COPB1: variants seen among roughly 807,000 people sequenced by gnomAD.
COPB1 encodes the protein coat protein complex I subunit beta 1, also known as coatomer subunit beta.
Under a neutral mutation model 108.7 loss-of-function variants are expected in COPB1, and 21 were observed. That is an observed-to-expected ratio of 0.19 (90% CI 0.14 to 0.28). COPB1 has a LOEUF of 0.28. COPB1 is among the 10% of genes least tolerant of loss of function. The pLI is 1.00. For missense variants in COPB1, 919 were observed against 1,141.3 expected (o/e 0.81, Z 2.81); for synonymous variants, 378 against 386.8 (o/e 0.98, Z 0.27).
chr11:14,491,634 A>G (rs1322793919), intron 4 of COPB1, among the ~76,000 whole-genome samples: 1 of 148,722 alleles, frequency 6.7e-6, no homozygotes, highest in Non-Finnish European at 1.5e-5. Flanking sequence ...GTGCCATTGC[A>G]CTCGAGCCTG....
At chr11:14,489,858 G>A (rs1850856924) in intron 5 of COPB1, among the ~76,000 whole-genome samples, 1 of 152,192 alleles carries the variant, frequency 6.6e-6, no homozygotes, top group African/African-American at 2.4e-5. Context: ...AAATGGTTAA[G>A]AGGGTAAATT....
At chr11:14,484,713 G>A (rs555431329) in intron 7 of COPB1, among the ~76,000 whole-genome samples, 5 of 152,002 alleles carry the variant, frequency 3.3e-5, no homozygotes, top group Non-Finnish European at 7.4e-5. Context: ...GTGAGACTCC[G>A]TCTCAAAAAA....
In COPB1 at chr11:14,469,488, T is replaced by C. The variant is rs974462035; in HGVS notation, c.1813A>G (p.Ile605Val). 3.1e-6 allele frequency: 5 copies of C among 1,614,054 alleles called. No homozygotes were observed. Among genetic ancestry groups the C allele is most frequent in the African/African-American group, 2.7e-5 (2 of 74,932 alleles). Residue 605 changes from isoleucine (I) to valine (V), a missense_variant, in exon 15 of 22, where the codon ATT (isoleucine) becomes GTT (valine). This residue lies in a region of COPB1 where 705 missense variants were observed against 817.8 expected (regional missense o/e 0.86). Coordinates refer to ENST00000439561, the MANE Select transcript of COPB1 (RefSeq NM_001144061.2). ...ATTCGATCCACATCATCATCAGTAA[T>C]TGGCTTCTTAGGAAGAGAGGATTTT... ...LGKSSLPKKP[I>V]TDDDVDRISL...
intron 18 of COPB1, among the ~76,000 whole-genome samples, chr11:14,464,453 G>GC (rs1850233561): frequency 6.6e-6 from 1 of 152,080 alleles, no homozygotes. Flanking sequence ...GACAGAAATT[G>GC]CAACAAAATA....
At chr11:14,480,737 T>C in intron 10 of COPB1, 22 bp downstream of exon 10, 1 of 1,585,062 alleles carries the variant, frequency 6.3e-7, no homozygotes, top group Non-Finnish European at 8.5e-7. Flanking sequence ...ATTTCAAAAT[T>C]AAAGTCATCA....
intron 2 of COPB1, 32 bp from the exon 3 acceptor site, chr11:14,494,471 A>G: frequency 7.9e-7 from 1 of 1,260,442 alleles, no homozygotes; most frequent in Non-Finnish European, 1.1e-6. Context: ...AAAAAAGCAC[A>G]ATTATTTCAA....
At chr11:14,483,823 T>C (rs1229951498) in intron 7 of COPB1, among the ~76,000 whole-genome samples, 1 of 152,136 alleles carries the variant, frequency 6.6e-6, no homozygotes, top group East Asian at 1.9e-4. Context: ...AAAGCAATAA[T>C]TGTAAGAAAA....
chr11:14,496,426 TGAA>T (rs1851019913), intron 2 of COPB1, among the ~76,000 whole-genome samples: 1 of 152,018 alleles, frequency 6.6e-6, no homozygotes, highest in South Asian at 2.1e-4. Context: ...AAAAAGAAAT[TGAA>T]GAAGTAATCT....
At chr11:14,467,775 A>ATATGCCAGT (rs1481472995) in intron 16 of COPB1, among the ~76,000 whole-genome samples, 4 of 152,200 alleles carry the variant, frequency 2.6e-5, no homozygotes, top group Non-Finnish European at 5.9e-5. Flanking sequence ...TACTGAGTGA[A>ATATGCCAGT]ATATGCCAGT....
At position 14,458,561 on chromosome 11, in the gene COPB1, C is replaced by T. The variant is rs536084877; in HGVS notation, c.2773G>A (p.Gly925Ser). The T allele has an allele frequency of 2.5e-6, 4 of 1,612,454 alleles. No homozygotes were observed. In the Admixed American group the frequency reaches 5.0e-5, roughly 20 times the overall value. ...CTCTTTGCACGAATTCTTATATGGC[C>T]GGTAACAGCAGCATCTGGTCCCTGG... ...IHQGPDAAVT[G>S]HIRIRAKSQG... Residue 925 changes from glycine (G) to serine (S), a missense_variant, in exon 21 of 22, where the codon GGC (glycine) becomes AGC (serine). Physicochemically the swap from Gly to Ser is moderately conservative, Grantham distance 56 (BLOSUM62 0). Coordinates refer to ENST00000439561, the MANE Select transcript of COPB1 (RefSeq NM_001144061.2).
intron 1 of COPB1, among the ~76,000 whole-genome samples, 185 bp from the exon 2 acceptor site, chr11:14,499,170 T>G (rs1158346052): frequency 6.6e-6 from 1 of 152,140 alleles, no homozygotes; most frequent in East Asian, 1.9e-4. Context: ...TATCACTCCC[T>G]CATCGCATCC....
chr11:14,498,571 T>C lies in COPB1; in HGVS notation c.91+267A>G, dbSNP rs138771455. Among the ~76,000 whole-genome samples, 542 of 152,314 alleles carry C rather than the reference T, an allele frequency of 3.6e-3. 6 individuals are homozygous for C. Among genetic ancestry groups the C allele is most frequent in the Middle Eastern group, 6.8e-3 (2 of 294 alleles). ...GAAAATAATCAGCCACATTAATATA[T>C]TGAAGTCTACAAAAATTATGACATT... On this transcript the variant is annotated intron_variant, in intron 2 of 21. Coordinates refer to ENST00000439561, the MANE Select transcript of COPB1 (RefSeq NM_001144061.2).
In COPB1 at chr11:14,462,405, T is replaced by C. The variant is rs1005354926; in HGVS notation, c.2411-1074A>G. ...CTGCCACCGCGCCTGGCTAATTTTTTGTATTTTTAGTAGAGATGTGGTTTC... is the reference window on the plus strand; with the variant it reads ...CTGCCACCGCGCCTGGCTAATTTTTCGTATTTTTAGTAGAGATGTGGTTTC... On this transcript the variant is annotated intron_variant, in intron 18 of 21. Coordinates refer to ENST00000439561, the MANE Select transcript of COPB1 (RefSeq NM_001144061.2). Among the ~76,000 whole-genome samples, 3 of 152,114 alleles carry C rather than the reference T, an allele frequency of 2.0e-5. No homozygotes were observed. In the East Asian group the frequency reaches 5.8e-4, roughly 29 times the overall value.
At chr11:14,466,922 G>A (rs1850294542) in intron 16 of COPB1, among the ~76,000 whole-genome samples, 1 of 152,060 alleles carries the variant, frequency 6.6e-6, no homozygotes, top group South Asian at 2.1e-4. Context: ...AGAAATGATT[G>A]TAATGCCACA....
At chr11:14,471,034 A>C (rs1335802683) in intron 14 of COPB1, among the ~76,000 whole-genome samples, 1 of 152,012 alleles carries the variant, frequency 6.6e-6, no homozygotes, top group African/African-American at 2.4e-5. Context: ...CTTTTACACT[A>C]CTGGGAAAAA....
chr11:14,471,883 T>C (rs1335898464), intron 14 of COPB1, among the ~76,000 whole-genome samples: 1 of 152,134 alleles, frequency 6.6e-6, no homozygotes, highest in African/African-American at 2.4e-5. Flanking sequence ...GATCATGCCA[T>C]GGCACTCCGG....
At chr11:14,482,372 T>C (rs1168777188) in intron 8 of COPB1, among the ~76,000 whole-genome samples, 4 of 152,224 alleles carry the variant, frequency 2.6e-5, no homozygotes, top group Non-Finnish European at 2.9e-5. Context: ...AATATGGTGA[T>C]AATTTTCTAG....
intron 14 of COPB1, among the ~76,000 whole-genome samples, chr11:14,471,567 T>C (rs1453445706): frequency 2.0e-5 from 3 of 152,190 alleles, no homozygotes; most frequent in Non-Finnish European, 4.4e-5. Context: ...ATAATATACC[T>C]TGTAAATTAT....
intron 16 of COPB1, among the ~76,000 whole-genome samples, chr11:14,467,109 A>G (rs1289188438): frequency 6.6e-6 from 1 of 152,210 alleles, no homozygotes; most frequent in Admixed American, 6.5e-5. Context: ...GGCAACTCAC[A>G]GAATGGAAGA....
Sources: gnomAD v4.1 joint callset for allele counts (sites outside exome capture counted in the v4.1 genomes callset) on GRCh38, gnomAD v4.1.1 for gene constraint, gnomAD v4.1.1 regional missense constraint, MANE v1.5 for transcripts, NCBI Gene and HGNC (gene_info 2026-07-23, HGNC 2026-07-21) for gene names.